DNM2: variants seen among roughly 807,000 people sequenced by gnomAD.
DNM2 encodes dynamin 2, also known as dynamin-2.
Under a neutral mutation model 99.0 loss-of-function variants are expected in DNM2, and 15 were observed. That is an observed-to-expected ratio of 0.15 (90% CI 0.10 to 0.23). DNM2 has a LOEUF of 0.23. Among genes scored for constraint, DNM2 ranks in the 10% least tolerant of loss-of-function variants. DNM2 has a pLI of 1.00. For missense variants in DNM2, 742 were observed against 1,189.4 expected (o/e 0.62, Z 5.53); for synonymous variants, 525 against 481.2 (o/e 1.09, Z -1.19).
At chr19:10,718,573 C>A in intron 1 of DNM2, 170 bp downstream of exon 1, 2 of 1,019,194 alleles carry the variant, frequency 2.0e-6, no homozygotes, top group Non-Finnish European at 2.5e-6. Flanking sequence ...GGGCAGAGGA[C>A]TCCCTGCAGG....
intron 1 of DNM2, among the ~76,000 whole-genome samples, chr19:10,732,423 ACCCC>A (rs2069360792): frequency 6.7e-6 from 1 of 150,040 alleles, no homozygotes; most frequent in Non-Finnish European, 1.5e-5. Context: ...ACACGGTGAA[ACCCC>A]ACCTCTACTA....
Position 10,796,052 on chromosome 19 carries a change from C to T in DNM2, c.1196+613C>T, listed in dbSNP as rs530195152. ...TATCTCCCCTGCCCCCGGGTCTGGA[C>T]GGTTTCAGGACCGGGCTTTTCACCC... is the stretch of plus-strand genomic sequence containing the variant. On this transcript the variant is annotated intron_variant, in intron 9 of 20. Coordinates refer to ENST00000389253, the MANE Select transcript of DNM2 (RefSeq NM_001005361.3). The surrounding 1 kb of genome is among the most constrained non-coding windows in gnomAD (Gnocchi z 5.6). 22 of 1,613,278 alleles carry T rather than the reference C, an allele frequency of 1.4e-5. No homozygotes were observed. The highest frequency in any genetic ancestry group is 5.5e-5 in the South Asian group (5 of 91,022).
chr19:10,779,159 G>A (rs1262933512), intron 5 of DNM2, among the ~76,000 whole-genome samples: 4 of 150,968 alleles, frequency 2.6e-5, no homozygotes, highest in Non-Finnish European at 5.9e-5. Flanking sequence ...AGGTTGCAGC[G>A]AGCTGAGATG....
intron 6 of DNM2, among the ~76,000 whole-genome samples, chr19:10,783,800 G>C (rs557249710): frequency 5.3e-5 from 8 of 151,392 alleles, no homozygotes; most frequent in Non-Finnish European, 1.2e-4. Flanking sequence ...TCCCAGGTTC[G>C]AGTGATTCTC....
intron 14 of DNM2, 182 bp downstream of exon 14, chr19:10,808,762 C>A: frequency 3.2e-6 from 2 of 618,484 alleles, no homozygotes; most frequent in Admixed American, 3.1e-5. Flanking sequence ...GGGTATAAGT[C>A]GACTCACACA....
At position 10,812,363 on chromosome 19, in the gene DNM2, T is replaced by C; in HGVS notation, c.1657T>C (p.Tyr553His). Residue 553 changes from tyrosine (Y) to histidine (H), a missense_variant, in exon 15 of 21, where the codon TAC becomes CAC. Transcript: ENST00000389253. The surrounding 1 kb of genome is among the most constrained non-coding windows in gnomAD (Gnocchi z 4.0). ...FVLTAESLSW[Y>H]KDEEEKEKKY... ...GCTGACTGCCGAGTCACTGTCCTGGTACAAGGATGAGGAGGTGAGTGGCAG... is the reference window on the plus strand; with the variant it reads ...GCTGACTGCCGAGTCACTGTCCTGGCACAAGGATGAGGAGGTGAGTGGCAG... 1.2e-6 allele frequency: 2 copies of C among 1,608,320 alleles called. No individual in the cohort carries two copies. Among genetic ancestry groups the C allele is most frequent in the Non-Finnish European group, 1.7e-6 (2 of 1,176,894 alleles).
rs1480358557 is a variant in DNM2 at position 10,815,103 on chromosome 19, G to T, written c.1671+2726G>T. Among the ~76,000 whole-genome samples the T allele has an allele frequency of 2.0e-5, 3 of 152,196 alleles. No individual in the cohort carries two copies. The East Asian group carries it at 5.8e-4, about 29-fold the overall frequency. ...CTTAAAGAGATGAAGTCTGTTTCTT[G>T]CTCACGTCTCAGTGAGCTTGGTGAC... On this transcript the variant is annotated intron_variant, in intron 15 of 20. Transcript: ENST00000389253.
chr19:10,772,997 T>TG lies in DNM2; in HGVS notation c.385+370dup, dbSNP rs71164119. On this transcript the variant is annotated intron_variant, in intron 3 of 20. Coordinates refer to ENST00000389253, the MANE Select transcript of DNM2 (RefSeq NM_001005361.3). This position sits in a 1 kb window ranked among gnomAD's most constrained non-coding sequence, Gnocchi z 4.9. ...ATCCTGGGTTTTTTTTTTTTTTTTT[T>TG]GAGACAGAGTCTTGCTCTGTTGCCC... 4.7e-5 allele frequency among the ~76,000 whole-genome samples: 7 copies of TG among 150,078 alleles called. No homozygotes were observed. Among genetic ancestry groups the TG allele is most frequent in the African/African-American group, 1.7e-4 (7 of 40,470 alleles).
chr19:10,740,999 G>A (rs900343097), intron 1 of DNM2, among the ~76,000 whole-genome samples: 6 of 152,202 alleles, frequency 3.9e-5, no homozygotes, highest in East Asian at 1.9e-4. Flanking sequence ...CCTCGAATAC[G>A]GTGTGTCCTG....
rs1060504950 is a variant in DNM2, at chr19:10,777,176, C to T, written c.648C>T (p.Ala216=). The change falls in exon 5 of 21, where the codon GCC becomes GCT. Residue 216 remains alanine, a synonymous_variant. Coordinates refer to ENST00000389253, the MANE Select transcript of DNM2 (RefSeq NM_001005361.3). ...KLDLMDEGTD[A]RDVLENKLLP... Reference sequence around the variant, plus strand: ...ACCTGATGGACGAGGGCACCGACGCCAGGGACGTCTTGGAGAACAAGTTGC... The same window carrying T: ...ACCTGATGGACGAGGGCACCGACGCTAGGGACGTCTTGGAGAACAAGTTGC... 6.2e-7 allele frequency: 1 copy of T among 1,614,234 alleles called. No homozygotes were observed. The highest frequency in any genetic ancestry group is 1.7e-5 in the Admixed American group (1 of 60,016).
intron 7 of DNM2, among the ~76,000 whole-genome samples, chr19:10,792,499 T>C (rs185221604): frequency 6.6e-6 from 1 of 152,386 alleles, no homozygotes; most frequent in Non-Finnish European, 1.5e-5. Context: ...TAGGCAATGC[T>C]GAGAGACTCT....
intron 5 of DNM2, chr19:10,780,196 A>T (rs1294770840): frequency 6.5e-6 from 1 of 153,008 alleles, no homozygotes; most frequent in Non-Finnish European, 1.5e-5. Flanking sequence ...GAATGCTGTC[A>T]GGGCTAAATT....
intron 17 of DNM2, chr19:10,824,418 T>A (rs940664174): frequency 2.0e-5 from 4 of 201,666 alleles, no homozygotes; most frequent in Non-Finnish European, 4.1e-5. Flanking sequence ...AGGAGATCGC[T>A]TAAACCCGGG....
intron 1 of DNM2, among the ~76,000 whole-genome samples, chr19:10,743,927 A>G (rs985169104): frequency 6.6e-6 from 1 of 151,114 alleles, no homozygotes; most frequent in African/African-American, 2.4e-5. Flanking sequence ...GCAAGGTTGC[A>G]GTGAGCCAAG....
intron 5 of DNM2, among the ~76,000 whole-genome samples, chr19:10,779,580 T>C (rs2071287006): frequency 7.1e-6 from 1 of 140,936 alleles, no homozygotes; most frequent in Non-Finnish European, 1.5e-5. Context: ...CAATCATAGC[T>C]CACTGTAGCC....
At chr19:10,814,899 T>A (rs1340336039) in intron 15 of DNM2, among the ~76,000 whole-genome samples, 1 of 152,260 alleles carries the variant, frequency 6.6e-6, no homozygotes, top group Non-Finnish European at 1.5e-5. Flanking sequence ...TTCTGTGTGA[T>A]AGCTTGTTGC....
intron 6 of DNM2, among the ~76,000 whole-genome samples, chr19:10,783,901 A>G (rs1048767217): frequency 1.3e-5 from 2 of 151,830 alleles, no homozygotes; most frequent in Non-Finnish European, 2.9e-5. Flanking sequence ...GAGTTTCACC[A>G]TGTTGGCCAG....
intron 1 of DNM2, among the ~76,000 whole-genome samples, chr19:10,731,350 C>G (rs901325395): frequency 2.0e-5 from 3 of 149,200 alleles, no homozygotes; most frequent in African/African-American, 7.4e-5. Context: ...CTTTTCTTTT[C>G]CTTCTTTTTT....
At position 10,726,229 on chromosome 19, in the gene DNM2, AAT is replaced by A. The variant is rs1491459142; in HGVS notation, c.161+7827_161+7828del. Among the ~76,000 whole-genome samples, 725 of 116,070 alleles carry A rather than the reference AAT, an allele frequency of 6.2e-3. 25 individuals are homozygous for A. Among genetic ancestry groups the A allele is most frequent in the Admixed American group, 0.011 (116 of 10,678 alleles). The allele number at this position is 116,070 out of a possible 152,430, so 76.1% of individuals were successfully genotyped here. ...GCGAGACTCTGCCTCAAAAAAAAAA[AAT>A]TTTTTTTTTTTTAGAGACAGGGTCT... On this transcript the variant is annotated intron_variant, in intron 1 of 20. Coordinates refer to ENST00000389253, the MANE Select transcript of DNM2 (RefSeq NM_001005361.3).
Sources: gnomAD v4.1 joint callset for allele counts (sites outside exome capture counted in the v4.1 genomes callset) on GRCh38, gnomAD v4.1.1 for gene constraint, Gnocchi (gnomAD v3.1) non-coding constraint, MANE v1.5 for transcripts, NCBI Gene and HGNC (gene_info 2026-07-23, HGNC 2026-07-21) for gene names.